Variants in NR3C2 observed in about 807,000 individuals in gnomAD.
The protein encoded by NR3C2 is mineralocorticoid receptor.
A neutral mutation model predicts 86.4 loss-of-function variants in NR3C2; 15 were observed. That is an observed-to-expected ratio of 0.17 (90% CI 0.12 to 0.27). NR3C2 has a LOEUF of 0.27. Ranked by LOEUF, NR3C2 falls within the 10% of genes least tolerant of loss-of-function variation. The pLI, the probability that NR3C2 is intolerant of heterozygous loss-of-function variation, is 1.00. For missense variants in NR3C2, 960 were observed against 1,195.6 expected, an observed-to-expected ratio of 0.80 and a Z score of 2.91; for synonymous variants, 458 against 450.5, an observed-to-expected ratio of 1.02 and a Z score of -0.21.
chr4:148,171,004 T>C (rs1735100209), intron 4 of NR3C2, among the ~76,000 whole-genome samples: 1 of 152,222 alleles, frequency 6.6e-6, no homozygotes, highest in Non-Finnish European at 1.5e-5. Flanking sequence ...TAATGACTGG[T>C]TGATCTCAAC....
chr4:148,319,930 G>A (rs948469837), intron 2 of NR3C2, among the ~76,000 whole-genome samples: 2 of 143,672 alleles, frequency 1.4e-5, no homozygotes, highest in Non-Finnish European at 3.0e-5. Flanking sequence ...TAGGAGTGGT[G>A]AGAGAGGGCA....
chr4:148,326,234 CAAA>C (rs11381917), intron 2 of NR3C2, among the ~76,000 whole-genome samples: 15 of 133,732 alleles, frequency 1.1e-4, no homozygotes, highest in African/African-American at 3.6e-4. Context: ...ACTAAAAATA[CAAA>C]AAAAAAAAAA....
chr4:148,268,945 T>G (rs1481326597), intron 2 of NR3C2, among the ~76,000 whole-genome samples: 1 of 152,094 alleles, frequency 6.6e-6, no homozygotes, highest in Non-Finnish European at 1.5e-5. Context: ...CCTAGTGAAC[T>G]GAAAACTCCA....
chr4:148,203,725 C>A (rs1736856067), intron 3 of NR3C2, among the ~76,000 whole-genome samples: 1 of 141,944 alleles, frequency 7.0e-6, no homozygotes, highest in Non-Finnish European at 1.5e-5. Flanking sequence ...ACTGGTTATT[C>A]ATTGTTGGAG....
chr4:148,131,546 C>A (rs72961545), intron 6 of NR3C2, among the ~76,000 whole-genome samples: 3,088 of 152,190 alleles, frequency 0.02, 101 homozygotes, highest in African/African-American at 0.071. Context: ...AACTGACAAA[C>A]AAGATGTATC....
intron 2 of NR3C2, among the ~76,000 whole-genome samples, chr4:148,416,833 T>C (rs1749027495): frequency 6.6e-6 from 1 of 152,180 alleles, no homozygotes; most frequent in Non-Finnish European, 1.5e-5. Flanking sequence ...TGGAGTGCAA[T>C]GGCACAATCT....
intron 2 of NR3C2, among the ~76,000 whole-genome samples, chr4:148,266,688 T>C (rs887942006): frequency 6.6e-6 from 1 of 152,196 alleles, no homozygotes; most frequent in African/African-American, 2.4e-5. Context: ...CACATGATCT[T>C]ATTAACATTT....
At chr4:148,394,728 C>A (rs1315268780) in intron 2 of NR3C2, among the ~76,000 whole-genome samples, 1 of 152,084 alleles carries the variant, frequency 6.6e-6, no homozygotes, top group Non-Finnish European at 1.5e-5. Context: ...AGTTTTGGAA[C>A]TGGGTACTAC....
At chr4:148,380,584 T>A (rs1032713472) in intron 2 of NR3C2, among the ~76,000 whole-genome samples, 1 of 152,222 alleles carries the variant, frequency 6.6e-6, no homozygotes, top group African/African-American at 2.4e-5. Context: ...CATTCTAATT[T>A]CACCACATCC....
intron 2 of NR3C2, among the ~76,000 whole-genome samples, chr4:148,279,303 T>C (rs766261425): frequency 1.3e-5 from 2 of 152,182 alleles, no homozygotes; most frequent in Non-Finnish European, 2.9e-5. Flanking sequence ...GGAGGAAAAA[T>C]TGCAGAAGCT....
chr4:148,092,453 A>C (rs1240949615), intron 8 of NR3C2, among the ~76,000 whole-genome samples: 1 of 152,032 alleles, frequency 6.6e-6, no homozygotes, highest in Non-Finnish European at 1.5e-5. Context: ...CTGCTGTGCA[A>C]CCCTGGTGTG....
At chr4:148,142,491 G>A (rs1578932307) in intron 6 of NR3C2, among the ~76,000 whole-genome samples, 1 of 152,048 alleles carries the variant, frequency 6.6e-6, no homozygotes, top group Non-Finnish European at 1.5e-5. Flanking sequence ...AGGGGTGCAC[G>A]TCTTTCTTCC....
At chr4:148,205,423 C>T (rs1736955364) in intron 3 of NR3C2, among the ~76,000 whole-genome samples, 1 of 151,972 alleles carries the variant, frequency 6.6e-6, no homozygotes, top group Non-Finnish European at 1.5e-5. Flanking sequence ...CACCTAGTTT[C>T]CTTCCCCCAA....
At chr4:148,252,969 A>G (rs895053284) in intron 3 of NR3C2, among the ~76,000 whole-genome samples, 1 of 152,210 alleles carries the variant, frequency 6.6e-6, no homozygotes, top group African/African-American at 2.4e-5. Context: ...TAGAGTTTTC[A>G]AATTTGCCAT....
At chr4:148,307,467 AAAG>A (rs745853490) in intron 2 of NR3C2, among the ~76,000 whole-genome samples, 4 of 152,220 alleles carry the variant, frequency 2.6e-5, no homozygotes, top group African/African-American at 7.2e-5. Flanking sequence ...CCATCTGACA[AAAG>A]AAGAGGCTCA....
At chr4:148,088,703 G>A (rs1345723067) in intron 8 of NR3C2, among the ~76,000 whole-genome samples, 4 of 151,274 alleles carry the variant, frequency 2.6e-5, no homozygotes, top group African/African-American at 9.8e-5. Flanking sequence ...ATCACACACT[G>A]GGGCCTGTTG....
intron 2 of NR3C2, among the ~76,000 whole-genome samples, chr4:148,413,564 G>T (rs1240685529): frequency 6.6e-6 from 1 of 151,788 alleles, no homozygotes; most frequent in Non-Finnish European, 1.5e-5. Context: ...CAGTAGACTG[G>T]GAGAGCATAT....
At chr4:148,398,883 TTGAA>T (rs1266761787) in intron 2 of NR3C2, among the ~76,000 whole-genome samples, 1 of 152,180 alleles carries the variant, frequency 6.6e-6, no homozygotes, top group Non-Finnish European at 1.5e-5. Flanking sequence ...ATGTTTGTGT[TTGAA>T]TGAGAGCGAG....
chr4:148,314,623 C>T (rs548954414), intron 2 of NR3C2, among the ~76,000 whole-genome samples: 1 of 152,236 alleles, frequency 6.6e-6, no homozygotes, highest in East Asian at 1.9e-4. Flanking sequence ...TAATCACTTG[C>T]AAACAGTTTT....
Sources: allele counts gnomAD v4.1 joint callset (sites outside exome capture counted in the v4.1 genomes callset), GRCh38; gene constraint gnomAD v4.1.1; transcripts MANE v1.5; gene names NCBI Gene and HGNC (gene_info 2026-07-23, HGNC 2026-07-21).